The following ITGA9 variants were observed in gnomAD, a reference collection of about 807,000 sequenced individuals.
ITGA9 encodes integrin alpha-9.
ITGA9 carries 56 observed loss-of-function variants against 127.8 expected under a neutral mutation model. The observed-to-expected ratio is 0.44, with a 90% CI of 0.35 to 0.55. The LOEUF (loss-of-function observed/expected upper bound fraction) is 0.55. Among genes scored for constraint, ITGA9 ranks in the 20% least tolerant of loss-of-function variants. The pLI, the probability that ITGA9 is intolerant of heterozygous loss-of-function variation, is 0.00. For synonymous variants in ITGA9, 508 were observed against 514.5 expected (o/e 0.99, Z 0.17); for missense variants, 1,196 against 1,347.1 (o/e 0.89, Z 1.76).
intron 23 of ITGA9, among the ~76,000 whole-genome samples, chr3:37,757,301 T>C (rs1255677211): frequency 6.6e-6 from 1 of 151,852 alleles, no homozygotes; most frequent in Non-Finnish European, 1.5e-5. Flanking sequence ...AGAGCGATGA[T>C]GCCAAAAAAC....
At chr3:37,516,805 C>G (rs1420996526) in intron 9 of ITGA9, among the ~76,000 whole-genome samples, 3 of 152,166 alleles carry the variant, frequency 2.0e-5, no homozygotes, top group African/African-American at 7.2e-5. Flanking sequence ...CTCTGGTCTT[C>G]ATGTGTCAGT....
chr3:37,682,027 T>C (rs1326510112), intron 17 of ITGA9, among the ~76,000 whole-genome samples: 1 of 152,220 alleles, frequency 6.6e-6, no homozygotes, highest in African/African-American at 2.4e-5. Context: ...TTGCCTGTCG[T>C]GTTTTCATTA....
At chr3:37,566,189 C>T (rs1699545461) in intron 15 of ITGA9, among the ~76,000 whole-genome samples, 1 of 152,166 alleles carries the variant, frequency 6.6e-6, no homozygotes, top group South Asian at 2.1e-4. Context: ...TTCTAAGACC[C>T]CTAGTAGATG....
intron 15 of ITGA9, among the ~76,000 whole-genome samples, chr3:37,625,635 C>T (rs914765346): frequency 2.0e-5 from 3 of 152,166 alleles, no homozygotes; most frequent in South Asian, 2.1e-4. Context: ...AAAATTTCAG[C>T]GACTATGGTC....
intron 18 of ITGA9, among the ~76,000 whole-genome samples, chr3:37,718,563 C>A (rs1694272290): frequency 6.6e-6 from 1 of 152,188 alleles, no homozygotes; most frequent in Non-Finnish European, 1.5e-5. Context: ...GTTTCAAAGG[C>A]TAGTGTAGAA....
chr3:37,702,586 G>C (rs116530286), intron 18 of ITGA9, among the ~76,000 whole-genome samples: 1,994 of 151,650 alleles, frequency 0.013, 21 homozygotes, highest in Non-Finnish European at 0.017. Context: ...TTCTCTAAAG[G>C]GAAAAAAAAA....
chr3:37,757,721 A>C (rs1696670979), intron 23 of ITGA9, among the ~76,000 whole-genome samples: 1 of 151,768 alleles, frequency 6.6e-6, no homozygotes, highest in African/African-American at 2.4e-5. Context: ...AATATGCATG[A>C]GGTTAAAAAA....
intron 19 of ITGA9, among the ~76,000 whole-genome samples, chr3:37,734,387 C>T (rs907355650): frequency 6.6e-6 from 1 of 152,232 alleles, no homozygotes; most frequent in Non-Finnish European, 1.5e-5. Flanking sequence ...ATAGGCTTAA[C>T]TGGAAAACTT....
rs759465761 is a variant in ITGA9, at chr3:37,533,355, C to T, written c.1415C>T (p.Pro472Leu). 2.5e-5 allele frequency: 40 copies of T among 1,614,056 alleles called. No individual in the cohort carries two copies. The highest frequency in any genetic ancestry group is 6.7e-5 in the African/African-American group (5 of 74,926). The stretch of plus-strand genomic sequence containing the variant: ...ACGGTGGATGTCTCCATCTTCCTCC[C>T]GGGCTCCATCAACATCACAGCGCCT... ...VITVDVSIFL[P>L]GSINITAPQC... The change falls in exon 14 of 28, where the codon CCG (proline) becomes CTG (leucine). Residue 472 changes from proline to leucine, a missense_variant. Transcript: ENST00000264741.
intron 6 of ITGA9, among the ~76,000 whole-genome samples, chr3:37,504,007 C>CA (rs1260178733): frequency 3.3e-5 from 5 of 152,226 alleles, no homozygotes; most frequent in African/African-American, 1.2e-4. Context: ...CTAATGATGA[C>CA]ACACAATGCT....
intron 26 of ITGA9, among the ~76,000 whole-genome samples, chr3:37,786,797 A>G (rs1697047330): frequency 6.6e-6 from 1 of 152,134 alleles, no homozygotes; most frequent in East Asian, 1.9e-4. Flanking sequence ...GCAGACTTTT[A>G]TGCTCTACCC....
chr3:37,584,136 G>A (rs551538673), intron 15 of ITGA9, among the ~76,000 whole-genome samples: 12 of 152,294 alleles, frequency 7.9e-5, no homozygotes, highest in African/African-American at 2.2e-4. Context: ...TGGATCTGTG[G>A]GATGGTTGGA....
intron 22 of ITGA9, chr3:37,748,105 G>C: frequency 2.1e-6 from 1 of 466,666 alleles, no homozygotes; most frequent in East Asian, 5.8e-5. Context: ...CCAGTAATTC[G>C]CCAAAATGTC....
intron 15 of ITGA9, among the ~76,000 whole-genome samples, chr3:37,582,867 A>G (rs1699723322): frequency 6.6e-6 from 1 of 152,228 alleles, no homozygotes; most frequent in Non-Finnish European, 1.5e-5. Context: ...TCAAGCCTCT[A>G]TACTTAACAA....
chr3:37,519,292 T>A lies in ITGA9; in HGVS notation c.1174T>A (p.Phe392Ile). Residue 392 changes from phenylalanine to isoleucine, a missense_variant, in exon 11 of 28, where the codon TTC becomes ATC. By Grantham distance (21) the Phe-to-Ile change is conservative (BLOSUM62 0). Transcript: ENST00000264741. The part of the protein sequence containing the change: ...VAIGAPKEDD[F>I]AGAVYIYHGD... Reference sequence around the variant, plus strand: ...CATTGGTGCACCCAAGGAGGATGACTTCGCAGGGGCGGTCTATATCTATCA... The same window carrying A: ...CATTGGTGCACCCAAGGAGGATGACATCGCAGGGGCGGTCTATATCTATCA... The A allele has an allele frequency of 6.2e-7, 1 of 1,614,212 alleles. No individual in the cohort carries two copies.
chr3:37,521,165 CT>C (rs1186487352), intron 11 of ITGA9, among the ~76,000 whole-genome samples: 2 of 152,124 alleles, frequency 1.3e-5, no homozygotes, highest in African/African-American at 4.8e-5. Context: ...CGTTCCCAAG[CT>C]GCTAATATGC....
chr3:37,724,794 G>A (rs1045017009), intron 18 of ITGA9, among the ~76,000 whole-genome samples: 7 of 152,118 alleles, frequency 4.6e-5, no homozygotes, highest in East Asian at 1.9e-4. Context: ...CACTGAGCCC[G>A]GTCAAAATCC....
intron 15 of ITGA9, among the ~76,000 whole-genome samples, chr3:37,594,547 C>T (rs1159545358): frequency 6.6e-6 from 1 of 151,800 alleles, no homozygotes; most frequent in Non-Finnish European, 1.5e-5. Context: ...GTCTGAGAGG[C>T]TGCATAACAG....
At chr3:37,579,048 A>G (rs1014942532) in intron 15 of ITGA9, among the ~76,000 whole-genome samples, 6 of 152,108 alleles carry the variant, frequency 3.9e-5, no homozygotes, top group African/African-American at 1.2e-4. Context: ...ATCCTTCCCA[A>G]GAGAAGTTTT....
Sources: allele counts gnomAD v4.1 joint callset (sites outside exome capture counted in the v4.1 genomes callset), GRCh38; gene constraint gnomAD v4.1.1; transcripts MANE v1.5; gene names NCBI Gene and HGNC (gene_info 2026-07-23, HGNC 2026-07-21).